The following CPED1 variants were observed in gnomAD, a reference collection of about 807,000 sequenced individuals.
CPED1 encodes the protein cadherin-like and PC-esterase domain-containing protein 1.
A neutral mutation model predicts 128.2 loss-of-function variants in CPED1; 114 were observed. The ratio of observed to expected loss-of-function variants is 0.89; its 90% confidence interval spans 0.76 to 1.04. CPED1 has a LOEUF of 1.04. Ranked by LOEUF, CPED1 falls within the 50% of genes least tolerant of loss-of-function variation. CPED1 has a pLI of 0.00. For missense variants in CPED1, 1,211 were observed against 1,207.1 expected (o/e 1.00, Z -0.05); for synonymous variants, 462 against 426.7 (o/e 1.08, Z -1.02).
chr7:121,121,547 A>G (rs938589406), intron 7 of CPED1, among the ~76,000 whole-genome samples: 1 of 152,192 alleles, frequency 6.6e-6, no homozygotes, highest in Admixed American at 6.5e-5. Context: ...ATGTTCTTTT[A>G]TTCATATTTA....
chr7:121,123,961 T>A (rs1247348772), intron 7 of CPED1, among the ~76,000 whole-genome samples: 2 of 152,142 alleles, frequency 1.3e-5, no homozygotes, highest in Non-Finnish European at 2.9e-5. Flanking sequence ...TAGATATTAA[T>A]CCCAATTTAA....
At chr7:121,087,469 G>A (rs550201004) in intron 5 of CPED1, among the ~76,000 whole-genome samples, 14 of 152,246 alleles carry the variant, frequency 9.2e-5, no homozygotes, top group East Asian at 1.9e-4. Context: ...CTTAGAGAGG[G>A]AAGGAAGAGG....
At chr7:121,062,232 T>G (rs2721376) in intron 4 of CPED1, among the ~76,000 whole-genome samples, 1,746 of 152,318 alleles carry the variant, frequency 0.011, 31 homozygotes, top group African/African-American at 0.039. Flanking sequence ...ATCATATTGT[T>G]AAGGATTCTA....
At chr7:121,022,019 A>G (rs370325508) in intron 3 of CPED1, among the ~76,000 whole-genome samples, 5 of 151,574 alleles carry the variant, frequency 3.3e-5, no homozygotes, top group South Asian at 2.1e-4. Context: ...ATTCTGACAT[A>G]CTCTCCTGGA....
At position 121,097,777 on chromosome 7, in the gene CPED1, T is replaced by A; in HGVS notation, c.695T>A (p.Leu232Ter). The change falls in exon 6 of 23, where the codon TTA becomes TAA. Residue 232 changes from leucine (L) to a stop codon, truncating the protein, a stop_gained. Coordinates refer to ENST00000310396, the MANE Select transcript of CPED1 (RefSeq NM_024913.5). LOFTEE classifies it high-confidence loss of function. ...AAGCCGAGTACTTCGAGTCACCTTTTAAAAACAGTGAAGCCACGTGTGTGG... is the reference window on the plus strand; with the variant it reads ...AAGCCGAGTACTTCGAGTCACCTTTAAAAAACAGTGAAGCCACGTGTGTGG... Reference protein sequence around the residue: ...QLKPSTSSHLLKTVKPRVWKP... With the variant: ...QLKPSTSSHL 1 of 1,613,840 alleles carries A rather than the reference T, an allele frequency of 6.2e-7. No individual in the cohort carries two copies.
At chr7:121,218,132 C>A (rs937154589) in intron 16 of CPED1, among the ~76,000 whole-genome samples, 2 of 151,058 alleles carry the variant, frequency 1.3e-5, no homozygotes, top group African/African-American at 4.9e-5. Flanking sequence ...TTACAGGCAC[C>A]CTCCACCATG....
intron 16 of CPED1, among the ~76,000 whole-genome samples, chr7:121,154,213 G>A (rs1383616506): frequency 6.6e-6 from 1 of 152,176 alleles, no homozygotes. Context: ...CTCCATATGA[G>A]GAGTTTAACT....
In CPED1 at chr7:121,127,193, A is replaced by G. The variant is rs1054847897; in HGVS notation, c.1238A>G (p.Asn413Ser). ...GACACTTTCAATTTTCTCTTCCCTA[A>G]TGAATCATCACTTTCCATATTTTCT... ...LNDTFNFLFP[N>S]ESSLSIFSEI... Residue 413 changes from asparagine (N) to serine (S), a missense_variant, in exon 10 of 23, where the codon AAT (asparagine) becomes AGT (serine). Asn to Ser is a conservative substitution (Grantham distance 46). Coordinates refer to ENST00000310396, the MANE Select transcript of CPED1 (RefSeq NM_024913.5). 6.3e-7 allele frequency: 1 copy of G among 1,594,104 alleles called. No individual in the cohort carries two copies. The highest frequency in any genetic ancestry group is 8.6e-7 in the Non-Finnish European group (1 of 1,163,768).
In CPED1 at chr7:120,989,734, C is replaced by G. The variant is rs149960034; in HGVS notation, c.113C>G (p.Ser38Trp). ...LFYQTLTLRGSRKLTAAAPGA... is the reference protein window; with the variant it reads ...LFYQTLTLRGWRKLTAAAPGA... ...TACCAGACTCTGACCCTCCGAGGGT[C>G]GAGGAAGCTCACAGCCGCTGCCCCT... Residue 38 changes from serine (S) to tryptophan (W), a missense_variant, in exon 2 of 23, where the codon TCG (serine) becomes TGG (tryptophan). By Grantham distance (177) the Ser-to-Trp change is radical. Transcript: ENST00000310396. 67 of 1,613,718 alleles carry G rather than the reference C, an allele frequency of 4.2e-5. No individual in the cohort carries two copies. Among genetic ancestry groups the G allele is most frequent in the African/African-American group, 5.3e-5 (4 of 74,794 alleles).
At chr7:121,227,798 C>A (rs1171673171) in intron 16 of CPED1, among the ~76,000 whole-genome samples, 1 of 152,010 alleles carries the variant, frequency 6.6e-6, no homozygotes, top group Admixed American at 6.6e-5. Context: ...AAAAATACAT[C>A]TATTTCAATT....
intron 4 of CPED1, among the ~76,000 whole-genome samples, chr7:121,055,710 C>T (rs1793480580): frequency 6.6e-6 from 1 of 151,568 alleles, no homozygotes; most frequent in Admixed American, 6.6e-5. Context: ...GGCCCATAGT[C>T]AATACTTTGT....
chr7:121,074,888 A>G (rs564578741), intron 5 of CPED1, among the ~76,000 whole-genome samples: 8 of 152,318 alleles, frequency 5.3e-5, no homozygotes, highest in Non-Finnish European at 1.0e-4. Context: ...CAAAAAATGC[A>G]ATGTTTTCAC....
intron 22 of CPED1, among the ~76,000 whole-genome samples, chr7:121,287,324 T>G (rs555107209): frequency 2.8e-4 from 42 of 152,098 alleles, no homozygotes; most frequent in Non-Finnish European, 5.3e-4. Context: ...AGGGTTATGG[T>G]GTCTTCCTGG....
chr7:121,213,769 G>A (rs972404529), intron 16 of CPED1, among the ~76,000 whole-genome samples: 4 of 151,978 alleles, frequency 2.6e-5, no homozygotes, highest in African/African-American at 9.7e-5. Context: ...TTAATTTAGA[G>A]TTACAGAAAC....
In CPED1 at chr7:121,177,423, C is replaced by G. The variant is rs1483734658; in HGVS notation, c.2055+35282C>G. Among the ~76,000 whole-genome samples, 3 of 151,950 alleles carry G rather than the reference C, an allele frequency of 2.0e-5. No individual in the cohort carries two copies. The East Asian group carries it at 5.8e-4, about 29-fold the overall frequency. Reference sequence around the variant, plus strand: ...AAGCTGTATTTAAGTCAATTTTGTACAAGTTCCTGATGTTGCCAATTTTTT... The same window carrying G: ...AAGCTGTATTTAAGTCAATTTTGTAGAAGTTCCTGATGTTGCCAATTTTTT... On this transcript the variant is annotated intron_variant, in intron 16 of 22. Transcript: ENST00000310396.
At chr7:121,050,140 C>A (rs979219216) in intron 4 of CPED1, among the ~76,000 whole-genome samples, 1 of 152,188 alleles carries the variant, frequency 6.6e-6, no homozygotes, top group African/African-American at 2.4e-5. Context: ...GAAATCTGGC[C>A]TTCATCCTTG....
At chr7:121,110,478 A>G (rs574467646) in intron 7 of CPED1, among the ~76,000 whole-genome samples, 1 of 152,290 alleles carries the variant, frequency 6.6e-6, no homozygotes, top group Admixed American at 6.5e-5. Flanking sequence ...TGAATAGGTG[A>G]TATCTGAGCT....
chr7:121,205,961 G>A (rs1444747704), intron 16 of CPED1, among the ~76,000 whole-genome samples: 1 of 152,028 alleles, frequency 6.6e-6, no homozygotes, highest in African/African-American at 2.4e-5. Context: ...TTCATTCCAT[G>A]GACAGGGAAG....
chr7:120,989,354 A>G, intron 1 of CPED1, 37 bp from the exon 2 acceptor site: 1 of 437,428 alleles, frequency 2.3e-6, no homozygotes, highest in South Asian at 2.3e-5. Flanking sequence ...GTTATTCGTT[A>G]CAACTATTAT....
Sources: gnomAD v4.1 joint callset for allele counts (sites outside exome capture counted in the v4.1 genomes callset) on GRCh38, gnomAD v4.1.1 for gene constraint, MANE v1.5 for transcripts, NCBI Gene and HGNC (gene_info 2026-07-23, HGNC 2026-07-21) for gene names.